Variants in OPHN1 observed in about 807,000 individuals in gnomAD.
OPHN1 encodes the protein oligophrenin-1.
In OPHN1, 11 loss-of-function variants were observed where a neutral mutation model predicts 60.7. The observed-to-expected ratio is 0.18, with a 90% CI of 0.11 to 0.30. The LOEUF is 0.30. OPHN1 is among the 10% of genes least tolerant of loss of function. The pLI is 1.00. For missense variants in OPHN1, 449 were observed against 611.0 expected, an observed-to-expected ratio of 0.73 and a Z score of 2.80; for synonymous variants, 226 against 222.6, an observed-to-expected ratio of 1.02 and a Z score of -0.14.
chrX:68,051,188 C>T (rs1337674932), intron 23 of OPHN1, among the ~76,000 whole-genome samples: 1 of 111,183 alleles, frequency 9.0e-6, no homozygotes, highest in Non-Finnish European at 1.9e-5. Context: ...TAACTGACCA[C>T]CTAGAAGAGT....
Position 68,195,088 on chromosome X carries a change from A to C in OPHN1, c.1105-590T>G, listed in dbSNP as rs934809810. Among the ~76,000 whole-genome samples the C allele has an allele frequency of 2.7e-5, 3 of 110,548 alleles. No homozygotes were observed. In the Admixed American group the frequency reaches 2.9e-4, roughly 11 times the overall value. On this transcript the variant is annotated intron_variant, in intron 12 of 24. Transcript: ENST00000355520. ...GAAGAAAGAAAGAAAATACTTGAACAATCCCTGAAAATTACACTGAATTTC... is the reference window on the plus strand; with the variant it reads ...GAAGAAAGAAAGAAAATACTTGAACCATCCCTGAAAATTACACTGAATTTC...
intron 2 of OPHN1, among the ~76,000 whole-genome samples, chrX:68,430,118 C>T (rs1251785941): frequency 3.6e-5 from 4 of 111,503 alleles, no homozygotes; most frequent in South Asian, 3.7e-4. Flanking sequence ...CTTCTAACTC[C>T]GATTCCAGTG....
intron 15 of OPHN1, among the ~76,000 whole-genome samples, chrX:68,160,742 C>G (rs1261260849): frequency 9.1e-6 from 1 of 110,371 alleles, no homozygotes; most frequent in African/African-American, 3.3e-5. Flanking sequence ...TGAAAACATA[C>G]CAATACTTCT....
chrX:68,173,514 C>T, intron 15 of OPHN1, among the ~76,000 whole-genome samples: 1 of 111,440 alleles, frequency 9.0e-6, no homozygotes. Flanking sequence ...CTTGTTCACA[C>T]CTCAGACAAT....
At position 68,059,525 on chromosome X, in the gene OPHN1, T is replaced by A. The variant is rs140614349; in HGVS notation, c.2158+4329A>T. ...ATTTGGCGTTAGGCTCCAAGAAAAGTAGAGAATAAAAACCAAACAGTAGAT... is the reference window on the plus strand; with the variant it reads ...ATTTGGCGTTAGGCTCCAAGAAAAGAAGAGAATAAAAACCAAACAGTAGAT... On this transcript the variant is annotated intron_variant, in intron 21 of 24. Coordinates refer to ENST00000355520, the MANE Select transcript of OPHN1 (RefSeq NM_002547.3). Among the ~76,000 whole-genome samples, 18 of 111,675 alleles carry A rather than the reference T, an allele frequency of 1.6e-4. No individual in the cohort carries two copies. In the East Asian group the frequency reaches 4.8e-3, roughly 30 times the overall value.
intron 2 of OPHN1, among the ~76,000 whole-genome samples, chrX:68,365,409 T>C (rs2078493195): frequency 9.0e-6 from 1 of 111,205 alleles, no homozygotes; most frequent in Admixed American, 9.7e-5. Context: ...GGTAGGGGCA[T>C]GTTTAACATA....
intron 21 of OPHN1, among the ~76,000 whole-genome samples, chrX:68,055,040 T>A (rs2076867457): frequency 8.9e-6 from 1 of 112,100 alleles, no homozygotes; most frequent in African/African-American, 3.2e-5. Context: ...TTAAACTCCT[T>A]CACAGAAAAT....
At chrX:68,052,098 T>C (rs2076854098) in intron 23 of OPHN1, among the ~76,000 whole-genome samples, 1 of 111,532 alleles carries the variant, frequency 9.0e-6, no homozygotes. Flanking sequence ...GAGACCAGCC[T>C]GGCCAACATG....
At chrX:68,356,680 T>C (rs1311044729) in intron 2 of OPHN1, among the ~76,000 whole-genome samples, 1 of 111,363 alleles carries the variant, frequency 9.0e-6, no homozygotes, top group Non-Finnish European at 1.9e-5. Flanking sequence ...CCCAAAATGC[T>C]GGGATTATAG....
chrX:68,267,211 T>A (rs1236622939), intron 5 of OPHN1, among the ~76,000 whole-genome samples: 6 of 111,149 alleles, frequency 5.4e-5, no homozygotes, highest in Non-Finnish European at 9.4e-5. Flanking sequence ...CCACCCCAAA[T>A]CAACAGAATA....
chrX:68,217,009 T>G (rs1357973230), intron 6 of OPHN1, among the ~76,000 whole-genome samples: 3 of 111,846 alleles, frequency 2.7e-5, no homozygotes, highest in African/African-American at 6.5e-5. Context: ...CATTTCCATC[T>G]GACATACCGG....
intron 2 of OPHN1, among the ~76,000 whole-genome samples, chrX:68,379,913 C>CT (rs1411093955): frequency 1.8e-5 from 2 of 109,203 alleles, no homozygotes; most frequent in East Asian, 5.7e-4. Context: ...CTCTGCCCGG[C>CT]TTTGGTATCA....
intron 2 of OPHN1, among the ~76,000 whole-genome samples, chrX:68,410,429 G>T (rs1417486160): frequency 9.0e-6 from 1 of 110,617 alleles, no homozygotes; most frequent in Non-Finnish European, 1.9e-5. Context: ...CAGTGCAGTG[G>T]TTCACGCCTG....
chrX:68,267,749 G>C (rs1602284513), intron 5 of OPHN1, among the ~76,000 whole-genome samples: 1 of 111,551 alleles, frequency 9.0e-6, no homozygotes, highest in Non-Finnish European at 1.9e-5. Context: ...CCAGGAGCTG[G>C]TTTTTTGAAA....
chrX:68,111,760 G>A (rs987413196), intron 18 of OPHN1, 94 bp downstream of exon 18: 6 of 614,010 alleles, frequency 9.8e-6, no homozygotes, highest in Non-Finnish European at 1.7e-5. Context: ...TAAGGGCTGG[G>A]GCTGAAAGAG....
intron 2 of OPHN1, among the ~76,000 whole-genome samples, chrX:68,300,581 T>G (rs939946947): frequency 8.9e-6 from 1 of 112,397 alleles, no homozygotes; most frequent in African/African-American, 3.2e-5. Context: ...GACAAGTGCA[T>G]GCACACCCTT....
intron 18 of OPHN1, among the ~76,000 whole-genome samples, chrX:68,111,636 G>A (rs2077104337): frequency 8.9e-6 from 1 of 111,747 alleles, no homozygotes; most frequent in South Asian, 3.7e-4. Flanking sequence ...ACTCTACCTT[G>A]CTGCTACCTT....
In OPHN1 at chrX:68,359,127, CTT is replaced by C. The variant is rs1201782075; in HGVS notation, c.155-60033_155-60032del. Among the ~76,000 whole-genome samples, 3 of 112,135 alleles carry C rather than the reference CTT, an allele frequency of 2.7e-5. No homozygotes were observed. In the Admixed American group the frequency reaches 2.9e-4, roughly 11 times the overall value. ...AATTTAATTCACAATCACCCTCTCT[CTT>C]GAGCAACATTTACCTCCTATTATGT... is the stretch of plus-strand genomic sequence containing the variant. On this transcript the variant is annotated intron_variant, in intron 2 of 24. Coordinates refer to ENST00000355520, the MANE Select transcript of OPHN1 (RefSeq NM_002547.3).
chrX:68,270,242 T>C (rs1182901813), intron 5 of OPHN1, among the ~76,000 whole-genome samples: 1 of 111,202 alleles, frequency 9.0e-6, no homozygotes, highest in Non-Finnish European at 1.9e-5. Context: ...TTACTGGGTA[T>C]ATACCCAAAG....
Sources: gnomAD v4.1 joint callset for allele counts (sites outside exome capture counted in the v4.1 genomes callset) on GRCh38, gnomAD v4.1.1 for gene constraint, MANE v1.5 for transcripts, NCBI Gene and HGNC (gene_info 2026-07-23, HGNC 2026-07-21) for gene names.